Variants in R3HDM2 observed in about 807,000 individuals in gnomAD.
R3HDM2 encodes the protein R3H domain containing 2.
In R3HDM2, 38 loss-of-function variants were observed where a neutral mutation model predicts 124.5. The observed-to-expected ratio is 0.31, with a 90% confidence interval of 0.24 to 0.40. The LOEUF (loss-of-function observed/expected upper bound fraction) is 0.40, where lower values mean the gene tolerates loss of function less well. R3HDM2 is among the 10% of genes least tolerant of loss of function. The pLI, the probability that R3HDM2 is intolerant of heterozygous loss-of-function variation, is 1.00. For synonymous variants in R3HDM2, 391 were observed against 448.0 expected (o/e 0.87, Z 1.61); for missense variants, 869 against 1,236.9 (o/e 0.70, Z 4.46).
intron 1 of R3HDM2, among the ~76,000 whole-genome samples, chr12:57,424,940 A>T (rs186230430): frequency 6.6e-6 from 1 of 152,362 alleles, no homozygotes; most frequent in African/African-American, 2.4e-5. Context: ...AGCCTGGGCA[A>T]CAAAGTGAGA....
intron 13 of R3HDM2, among the ~76,000 whole-genome samples, 156 bp downstream of exon 13, chr12:57,283,668 G>A (rs1565957304): frequency 6.6e-6 from 1 of 152,084 alleles, no homozygotes; most frequent in East Asian, 1.9e-4. Context: ...GAACCCGGGA[G>A]ACAGAGGTTG....
At chr12:57,276,605 G>T (rs1478643746) in intron 14 of R3HDM2, among the ~76,000 whole-genome samples, 1 of 152,134 alleles carries the variant, frequency 6.6e-6, no homozygotes, top group African/African-American at 2.4e-5. Context: ...ATGATAAAAT[G>T]GGCCGGGCAC....
chr12:57,401,634 T>G (rs186459692), intron 1 of R3HDM2, among the ~76,000 whole-genome samples: 1 of 152,254 alleles, frequency 6.6e-6, no homozygotes, highest in African/African-American at 2.4e-5. Flanking sequence ...CAAGTGAAAA[T>G]CAGAATTTTG....
intron 14 of R3HDM2, among the ~76,000 whole-genome samples, chr12:57,279,964 T>C (rs532950022): frequency 6.6e-6 from 1 of 152,256 alleles, no homozygotes. Flanking sequence ...TGGGTCCACA[T>C]AGTTGGTCAG....
At chr12:57,276,444 A>G (rs2044763779) in intron 14 of R3HDM2, among the ~76,000 whole-genome samples, 2 of 152,258 alleles carry the variant, frequency 1.3e-5, no homozygotes, top group Non-Finnish European at 2.9e-5. Context: ...CTATGCAGCC[A>G]TAAAAAGGAA....
At chr12:57,427,733 G>A (rs1868295689) in intron 1 of R3HDM2, among the ~76,000 whole-genome samples, 1 of 151,998 alleles carries the variant, frequency 6.6e-6, no homozygotes, top group Non-Finnish European at 1.5e-5. Context: ...AGCAGAAAAG[G>A]GGGATAGAGA....
intron 3 of R3HDM2, among the ~76,000 whole-genome samples, chr12:57,305,001 T>A (rs914595545): frequency 2.0e-5 from 3 of 152,160 alleles, no homozygotes; most frequent in African/African-American, 7.2e-5. Context: ...CTGGCCAACA[T>A]GGCAAAACCC....
chr12:57,335,093 G>A (rs2058681909), intron 2 of R3HDM2, among the ~76,000 whole-genome samples: 2 of 151,636 alleles, frequency 1.3e-5, no homozygotes. Flanking sequence ...AGTGAGCTAT[G>A]ATTGGGCCAT....
At chr12:57,400,484 A>G (rs1419305736) in intron 1 of R3HDM2, among the ~76,000 whole-genome samples, 3 of 152,190 alleles carry the variant, frequency 2.0e-5, no homozygotes, top group Admixed American at 1.3e-4. Context: ...CCTAACGTAA[A>G]TGACGAGTTA....
chr12:57,384,339 G>A (rs1374012702), intron 2 of R3HDM2, among the ~76,000 whole-genome samples: 8 of 148,326 alleles, frequency 5.4e-5, no homozygotes, highest in Non-Finnish European at 1.2e-4. Flanking sequence ...GGGTGACAGA[G>A]CAAGACTCTG....
In R3HDM2 at chr12:57,296,527, C is replaced by T. The variant is rs570970782; in HGVS notation, c.585G>A (p.Gln195=). The change falls in exon 9 of 24, where the codon CAG becomes CAA. Residue 195 remains glutamine (Q), a synonymous_variant. Transcript: ENST00000402412. The surrounding 1 kb of genome is among the most constrained non-coding windows in gnomAD (Gnocchi z 4.5). The part of the protein sequence containing the change: ...DNNNQFKKFP[Q]MTSYHRMLLH... ...ATAGCATCCGGTGATATGAGGTCAT[C>T]TGAGGGAACTTCTTGAACTGATTAC... The T allele has an allele frequency of 4.2e-5, 65 of 1,551,808 alleles. 1 individual carries two copies. In the South Asian group the frequency reaches 7.7e-4, roughly 18 times the overall value.
At chr12:57,272,435 G>A (rs1005456925) in intron 14 of R3HDM2, 2 of 1,535,762 alleles carry the variant, frequency 1.3e-6, no homozygotes, top group African/African-American at 2.8e-5. Context: ...AGACAAAAAG[G>A]GGGAATGGAG....
chr12:57,400,737 G>A (rs1207994261), intron 1 of R3HDM2, among the ~76,000 whole-genome samples: 1 of 151,954 alleles, frequency 6.6e-6, no homozygotes, highest in African/African-American at 2.4e-5. Flanking sequence ...GTCAATATTA[G>A]TAACTCTCTA....
chr12:57,400,270 C>A (rs1454479184), intron 1 of R3HDM2, among the ~76,000 whole-genome samples: 1 of 152,114 alleles, frequency 6.6e-6, no homozygotes, highest in African/African-American at 2.4e-5. Context: ...ATGATGAGTT[C>A]ATGTCCTTTG....
intron 1 of R3HDM2, among the ~76,000 whole-genome samples, chr12:57,405,431 C>T (rs967718409): frequency 2.0e-5 from 3 of 151,914 alleles, no homozygotes; most frequent in Non-Finnish European, 2.9e-5. Flanking sequence ...ATCAGGAGTT[C>T]GAGACCAGCC....
chr12:57,373,599 C>T (rs1016933046), intron 2 of R3HDM2, among the ~76,000 whole-genome samples: 1 of 151,806 alleles, frequency 6.6e-6, no homozygotes, highest in Non-Finnish European at 1.5e-5. Flanking sequence ...CACCTGAGGT[C>T]GGGAGTTTGA....
chr12:57,267,569 G>A (rs1201384034), intron 18 of R3HDM2, among the ~76,000 whole-genome samples: 1 of 151,702 alleles, frequency 6.6e-6, no homozygotes. Context: ...GAAAAGAAAA[G>A]TCAAAAACAA....
At chr12:57,275,471 G>C (rs1269535645) in intron 14 of R3HDM2, among the ~76,000 whole-genome samples, 1 of 145,184 alleles carries the variant, frequency 6.9e-6, no homozygotes, top group Admixed American at 6.9e-5. Flanking sequence ...AAATAGTTGG[G>C]ACTTAATTAA....
intron 2 of R3HDM2, among the ~76,000 whole-genome samples, chr12:57,393,294 G>T (rs990738638): frequency 1.3e-5 from 2 of 151,886 alleles, no homozygotes; most frequent in African/African-American, 4.8e-5. Context: ...AGTAGAAACG[G>T]GGTTTCATCA....
Sources: allele counts gnomAD v4.1 joint callset (sites outside exome capture counted in the v4.1 genomes callset), GRCh38; gene constraint gnomAD v4.1.1; non-coding constraint Gnocchi (gnomAD v3.1); transcripts MANE v1.5; gene names NCBI Gene and HGNC (gene_info 2026-07-23, HGNC 2026-07-21).